Variants in TMEM132B observed in about 807,000 individuals in gnomAD.
The protein encoded by TMEM132B is transmembrane protein 132B.
Under a neutral mutation model 90.8 loss-of-function variants are expected in TMEM132B, and 18 were observed. The ratio of observed to expected loss-of-function variants is 0.20; its 90% CI spans 0.14 to 0.29. TMEM132B has a LOEUF of 0.29. TMEM132B is among the 10% of genes least tolerant of loss of function. TMEM132B has a pLI of 1.00. For synonymous variants in TMEM132B, 504 were observed against 523.3 expected, an observed-to-expected ratio of 0.96 and a Z score of 0.50; for missense variants, 1,096 against 1,326.8, an observed-to-expected ratio of 0.83 and a Z score of 2.70.
intron 1 of TMEM132B, among the ~76,000 whole-genome samples, chr12:125,201,232 T>C (rs940331125): frequency 2.6e-5 from 4 of 152,206 alleles, no homozygotes; most frequent in Non-Finnish European, 5.9e-5. Flanking sequence ...ACTGGCATCA[T>C]TTACACAGGC....
intron 4 of TMEM132B, among the ~76,000 whole-genome samples, chr12:125,560,682 G>T (rs183343178): frequency 2.6e-5 from 4 of 151,698 alleles, no homozygotes; most frequent in African/African-American, 4.8e-5. Context: ...AAAATTAGCC[G>T]GGCGCGGTGG....
chr12:125,389,936 G>C (rs143812902), intron 2 of TMEM132B, among the ~76,000 whole-genome samples: 1 of 152,308 alleles, frequency 6.6e-6, no homozygotes, highest in Non-Finnish European at 1.5e-5. Context: ...GATTCCAATT[G>C]CATAGCTCGA....
intron 4 of TMEM132B, among the ~76,000 whole-genome samples, chr12:125,553,296 G>T (rs768282824): frequency 1.3e-5 from 2 of 152,200 alleles, no homozygotes; most frequent in Non-Finnish European, 2.9e-5. Flanking sequence ...CCTGGTAGAC[G>T]CCAGTCCCAG....
intron 3 of TMEM132B, among the ~76,000 whole-genome samples, chr12:125,461,544 T>G (rs548809777): frequency 1.2e-3 from 178 of 152,378 alleles, no homozygotes; most frequent in African/African-American, 4.2e-3. Context: ...TTCTGTTGAT[T>G]GTTTCAAGAG....
At chr12:125,300,791 C>T (rs994491349) in intron 1 of TMEM132B, 5 of 152,188 alleles carry the variant, frequency 3.3e-5, no homozygotes, top group East Asian at 1.9e-4. Flanking sequence ...ATCTGAACCC[C>T]GGCCACTGTG....
intron 1 of TMEM132B, among the ~76,000 whole-genome samples, chr12:125,265,228 C>T (rs962473766): frequency 6.6e-6 from 1 of 152,050 alleles, no homozygotes. Flanking sequence ...ATATAGTATT[C>T]CCCGCTTGTC....
intron 1 of TMEM132B, among the ~76,000 whole-genome samples, chr12:125,188,667 C>T (rs951501606): frequency 6.6e-6 from 1 of 151,668 alleles, no homozygotes; most frequent in African/African-American, 2.4e-5. Flanking sequence ...TTTGCCTGCT[C>T]CCCTGCTGTT....
chr12:125,347,380 A>C (rs1216134498), intron 1 of TMEM132B, among the ~76,000 whole-genome samples: 1 of 152,138 alleles, frequency 6.6e-6, no homozygotes, highest in Non-Finnish European at 1.5e-5. Flanking sequence ...ATTTGAGGAG[A>C]ATTTGCTTTC....
At chr12:125,580,117 A>G (rs1885018742) in intron 4 of TMEM132B, among the ~76,000 whole-genome samples, 1 of 152,196 alleles carries the variant, frequency 6.6e-6, no homozygotes, top group South Asian at 2.1e-4. Context: ...AAAATCAACC[A>G]GAGGTGAAAG....
chr12:125,637,879 A>T (rs1014772964), intron 5 of TMEM132B, among the ~76,000 whole-genome samples: 4 of 152,190 alleles, frequency 2.6e-5, no homozygotes, highest in African/African-American at 9.7e-5. Context: ...GACTGAAAAG[A>T]CGCATTAGGA....
At chr12:125,331,549 G>A (rs1566004179) in intron 1 of TMEM132B, among the ~76,000 whole-genome samples, 1 of 152,128 alleles carries the variant, frequency 6.6e-6, no homozygotes, top group Non-Finnish European at 1.5e-5. Context: ...TGGCTCACCA[G>A]GAAGAAGCTG....
chr12:125,302,881 G>A (rs1482190952), intron 1 of TMEM132B, among the ~76,000 whole-genome samples: 2 of 152,186 alleles, frequency 1.3e-5, no homozygotes, highest in Non-Finnish European at 2.9e-5. Flanking sequence ...CGGATCACTT[G>A]AGGTTAGGAG....
At position 125,462,353 on chromosome 12, in the gene TMEM132B, T is replaced by C. The variant is rs552258289; in HGVS notation, c.1106+46676T>C. Among the ~76,000 whole-genome samples, 4 of 152,248 alleles carry C rather than the reference T, an allele frequency of 2.6e-5. No homozygotes were observed. The South Asian group carries it at 8.3e-4, about 32-fold the overall frequency. On this transcript the variant is annotated intron_variant, in intron 3 of 8. Transcript: ENST00000682704. ...GTTTGTATTCATAGAGGACCAGCTA[T>C]GTGTGCTATGCCTGGTTGTGCTGAA...
In TMEM132B at chr12:125,517,326, GATTTTT is replaced by G. The variant is rs1883185378; in HGVS notation, c.1107-2112_1107-2107del. Among the ~76,000 whole-genome samples the G allele has an allele frequency of 8.0e-5, 7 of 88,032 alleles. 1 individual carries two copies. Among genetic ancestry groups the G allele is most frequent in the African/African-American group, 1.2e-4 (3 of 25,968 alleles). The allele number at this position is 88,032 out of a possible 152,430, so 57.8% of individuals were successfully genotyped here. A position where few individuals can be genotyped will look rare whatever the true frequency, so the allele number is the denominator to read the frequency against. ...CAGGCGCCCGCCACCATGCCCTGCT[GATTTTT>G]TTTTTTTTTTTTTTTTTTTTTTTTT... On this transcript the variant is annotated intron_variant, in intron 3 of 8. Transcript: ENST00000682704.
chr12:125,257,171 G>T (rs1350840287), intron 1 of TMEM132B, among the ~76,000 whole-genome samples: 1 of 152,084 alleles, frequency 6.6e-6, no homozygotes, highest in Non-Finnish European at 1.5e-5. Context: ...TCTGGTGTGG[G>T]GATGTTCGCC....
intron 1 of TMEM132B, among the ~76,000 whole-genome samples, chr12:125,290,884 G>A (rs903192591): frequency 6.6e-6 from 1 of 152,194 alleles, no homozygotes; most frequent in Non-Finnish European, 1.5e-5. Flanking sequence ...CATGCCCTGT[G>A]TAATCTCCAG....
At chr12:125,611,427 T>G (rs1353543390) in intron 5 of TMEM132B, among the ~76,000 whole-genome samples, 1 of 152,124 alleles carries the variant, frequency 6.6e-6, no homozygotes, top group Non-Finnish European at 1.5e-5. Flanking sequence ...AATGTTTATT[T>G]TATCCTTTCT....
intron 2 of TMEM132B, among the ~76,000 whole-genome samples, chr12:125,371,403 G>T (rs925309802): frequency 1.3e-5 from 2 of 152,166 alleles, no homozygotes; most frequent in African/African-American, 4.8e-5. Context: ...GCATCCGAGG[G>T]ACCCGGGGTG....
At chr12:125,479,645 T>C (rs1280018417) in intron 3 of TMEM132B, among the ~76,000 whole-genome samples, 1 of 152,104 alleles carries the variant, frequency 6.6e-6, no homozygotes, top group Admixed American at 6.5e-5. Flanking sequence ...AGACTTAGAC[T>C]CCCACACAAT....
Sources: gnomAD v4.1 joint callset for allele counts (sites outside exome capture counted in the v4.1 genomes callset) on GRCh38, gnomAD v4.1.1 for gene constraint, MANE v1.5 for transcripts, NCBI Gene and HGNC (gene_info 2026-07-23, HGNC 2026-07-21) for gene names.